SVOPL: variants seen among roughly 807,000 people sequenced by gnomAD.
SVOPL encodes the protein putative transporter SVOPL.
A neutral mutation model predicts 61.0 loss-of-function variants in SVOPL; 60 were observed. The ratio of observed to expected loss-of-function variants is 0.98; its 90% CI spans 0.80 to 1.22. The LOEUF (loss-of-function observed/expected upper bound fraction) is 1.22. SVOPL is among the 50% of genes most tolerant of loss of function. The pLI is 0.00. For synonymous variants in SVOPL, 279 were observed against 250.0 expected (o/e 1.12, Z -1.09); for missense variants, 662 against 643.9 (o/e 1.03, Z -0.30).
At position 138,653,699 on chromosome 7, in the gene SVOPL, G is replaced by A. The variant is rs145309780; in HGVS notation, c.534+2749C>T. Among the ~76,000 whole-genome samples the A allele has an allele frequency of 7.2e-4, 110 of 152,268 alleles. No individual in the cohort carries two copies. In the East Asian group the frequency reaches 7.9e-3, roughly 11 times the overall value. On this transcript the variant is annotated intron_variant, in intron 7 of 15. Coordinates refer to ENST00000674285, the MANE Select transcript of SVOPL (RefSeq NM_001139456.2). ...GCCTGTAATCCCAGCACTTTGTGAG[G>A]CTGAGGTGGGTGGATCACAAGGTCA...
chr7:138,655,126 G>T (rs749828940), intron 7 of SVOPL, among the ~76,000 whole-genome samples: 20 of 152,070 alleles, frequency 1.3e-4, no homozygotes, highest in Non-Finnish European at 2.9e-4. Context: ...GGAGGCAGAG[G>T]TTGCAGTGAG....
intron 9 of SVOPL, among the ~76,000 whole-genome samples, chr7:138,642,846 AAAAAG>A (rs1364648025): frequency 2.7e-3 from 48 of 17,790 alleles, no homozygotes; most frequent in African/African-American, 4.0e-3. Flanking sequence ...AAAAAAAAAA[AAAAAG>A]AAGAAACAAA....
Position 138,670,146 on chromosome 7 carries a change from T to A in SVOPL, c.273+1873A>T, listed in dbSNP as rs1284135510. On this transcript the variant is annotated intron_variant, in intron 4 of 15. Coordinates refer to ENST00000674285, the MANE Select transcript of SVOPL (RefSeq NM_001139456.2). The stretch of plus-strand genomic sequence containing the variant: ...TGCCCTAACCAAATCCATTTTGGCT[T>A]TAACTTCCAAACTGCCCTTGGTCAT... Among the ~76,000 whole-genome samples, 4 of 152,214 alleles carry A rather than the reference T, an allele frequency of 2.6e-5. No homozygotes were observed. The South Asian group carries it at 8.3e-4, about 32-fold the overall frequency.
In SVOPL at chr7:138,700,395, G is replaced by A. The variant is rs183244911; in HGVS notation, c.-35+783C>T. 2.9e-3 allele frequency among the ~76,000 whole-genome samples: 406 copies of A among 137,926 alleles called. 6 individuals are homozygous for A. The highest frequency in any genetic ancestry group is 0.01 in the African/African-American group (370 of 36,834). The allele number at this position is 137,926 out of a possible 152,430, so 90.5% of individuals were successfully genotyped here. A position where few individuals can be genotyped will look rare whatever the true frequency, so the allele number is the denominator to read the frequency against. ...ACTCTGTTGCCCAGGCTGGAGTGCCGTGGTGTGATCTTGGCTCACTGCAAC... is the reference window on the plus strand; with the variant it reads ...ACTCTGTTGCCCAGGCTGGAGTGCCATGGTGTGATCTTGGCTCACTGCAAC... On this transcript the variant is annotated intron_variant, in intron 1 of 15. Coordinates refer to ENST00000674285, the MANE Select transcript of SVOPL (RefSeq NM_001139456.2).
chr7:138,608,987 T>C (rs1285667538), intron 14 of SVOPL, among the ~76,000 whole-genome samples: 1 of 152,162 alleles, frequency 6.6e-6, no homozygotes, highest in Admixed American at 6.5e-5. Context: ...CACATATTTA[T>C]GAAAGGCTCT....
intron 1 of SVOPL, among the ~76,000 whole-genome samples, chr7:138,686,643 G>A (rs55872864): frequency 0.3 from 42,698 of 141,098 alleles, 7,089 homozygotes; most frequent in East Asian, 0.45. Flanking sequence ...CTGGCTCACC[G>A]CAACCTCCGC....
In SVOPL at chr7:138,618,974, C is replaced by T. The variant is rs368998985; in HGVS notation, c.1353+2072G>A. Among the ~76,000 whole-genome samples, 20 of 152,264 alleles carry T rather than the reference C, an allele frequency of 1.3e-4. No individual in the cohort carries two copies. In the South Asian group the frequency reaches 3.5e-3, roughly 27 times the overall value. ...CTGGGTTCTTTCCTAAACCACAAAC[C>T]CACCAACAGCAGCATAGCCTCTGGG... On this transcript the variant is annotated intron_variant, in intron 14 of 15. Transcript: ENST00000674285.
In SVOPL at chr7:138,682,470, C is replaced by A. The variant is rs552236012; in HGVS notation, c.-34-3391G>T. Among the ~76,000 whole-genome samples, 48 of 149,128 alleles carry A rather than the reference C, an allele frequency of 3.2e-4. No individual in the cohort carries two copies. In the South Asian group the frequency reaches 8.7e-3, roughly 27 times the overall value. On this transcript the variant is annotated intron_variant, in intron 1 of 15. Transcript: ENST00000674285. ...ACAGGAAATGAAGAAACATGTTAAA[C>A]AACACCATGTGGATGCAATAAGAAA...
chr7:138,620,333 C>G (rs965813768), intron 14 of SVOPL, among the ~76,000 whole-genome samples: 7 of 149,536 alleles, frequency 4.7e-5, no homozygotes, highest in African/African-American at 1.2e-4. Context: ...GCTGCCCAGC[C>G]TGGTCTCAAA....
At chr7:138,667,918 C>A (rs944872371) in intron 4 of SVOPL, among the ~76,000 whole-genome samples, 27 of 152,332 alleles carry the variant, frequency 1.8e-4, no homozygotes, top group African/African-American at 6.3e-4. Flanking sequence ...CCAAAACCAA[C>A]CTCCTTCTTG....
chr7:138,685,721 G>C (rs1039179976), intron 1 of SVOPL, among the ~76,000 whole-genome samples: 4 of 151,882 alleles, frequency 2.6e-5, no homozygotes, highest in African/African-American at 9.7e-5. Flanking sequence ...TTAGCCAGGC[G>C]TGGTGGCGGG....
rs568945708 is a variant in SVOPL, at chr7:138,679,010, G to A, written c.36C>T (p.Leu12=). 1.3e-6 allele frequency: 2 copies of A among 1,551,676 alleles called. No individual in the cohort carries two copies. Among genetic ancestry groups the A allele is most frequent in the African/African-American group, 2.7e-5 (2 of 73,166 alleles). Residue 12 remains leucine (L), a synonymous_variant, in exon 2 of 16, where the codon CTC becomes CTT. Transcript: ENST00000674285. ...TCCCCAGGCTCAATTTCCGAAGGCT[G>A]AGGATCGTGACAGGCTCTGTTGGCT... ...ATKPTEPVTI[L]SLRKLSLGTA... is the part of the protein sequence containing the mutation.
chr7:138,608,800 C>T (rs1275094785), intron 14 of SVOPL, among the ~76,000 whole-genome samples: 2 of 152,074 alleles, frequency 1.3e-5, no homozygotes, highest in Admixed American at 6.6e-5. Flanking sequence ...CAGAGAAATA[C>T]TGATACATTT....
intron 4 of SVOPL, among the ~76,000 whole-genome samples, chr7:138,667,115 C>T (rs996640061): frequency 2.6e-5 from 4 of 152,088 alleles, no homozygotes; most frequent in Admixed American, 6.5e-5. Context: ...GGAGATGGAA[C>T]TAAGATAATA....
intron 13 of SVOPL, among the ~76,000 whole-genome samples, chr7:138,622,078 C>T (rs796373143): frequency 1.1e-5 from 1 of 87,456 alleles, no homozygotes; most frequent in African/African-American, 5.5e-5. Context: ...ATGTATCTAT[C>T]TATCTATCTA....
At chr7:138,663,476 C>T in intron 4 of SVOPL, 2 of 1,177,870 alleles carry the variant, frequency 1.7e-6, no homozygotes, top group East Asian at 5.1e-5. Context: ...ATTGTCTGTT[C>T]ATGCGCTGCC....
At chr7:138,659,812 G>T in intron 6 of SVOPL, 52 bp downstream of exon 6, 1 of 1,513,986 alleles carries the variant, frequency 6.6e-7, no homozygotes, top group Non-Finnish European at 9.0e-7. Flanking sequence ...GTGCATCAGG[G>T]CCTGCAGGGG....
chr7:138,624,382 C>G (rs1366130167), intron 13 of SVOPL, among the ~76,000 whole-genome samples: 2 of 152,154 alleles, frequency 1.3e-5, no homozygotes, highest in Non-Finnish European at 2.9e-5. Context: ...ATTTCTTAAA[C>G]CAATTTACTT....
rs1023463012 is a variant in SVOPL at position 138,596,406 on chromosome 7, G to A, written c.1467+11C>T. 1 of 1,612,592 alleles carries A rather than the reference G, an allele frequency of 6.2e-7. No homozygotes were observed. Among genetic ancestry groups the A allele is most frequent in the African/African-American group, 1.3e-5 (1 of 74,988 alleles). On this transcript the variant is annotated intron_variant, in intron 15 of 15. Transcript: ENST00000674285. ...AGTTGAAAAGACTTCAGAGTTCCCT[G>A]CATCACTCACCTGGAGGGCCCGTCC... is the stretch of plus-strand genomic sequence containing the variant.
Sources: allele counts gnomAD v4.1 joint callset (sites outside exome capture counted in the v4.1 genomes callset), GRCh38; gene constraint gnomAD v4.1.1; transcripts MANE v1.5; gene names NCBI Gene and HGNC (gene_info 2026-07-23, HGNC 2026-07-21).